RIMS1: variants seen among roughly 807,000 people sequenced by gnomAD.
The protein encoded by RIMS1 is regulating synaptic membrane exocytosis protein 1.
Under a neutral mutation model 214.1 loss-of-function variants are expected in RIMS1, and 83 were observed. The ratio of observed to expected loss-of-function variants is 0.39; its 90% CI spans 0.32 to 0.47. The LOEUF (loss-of-function observed/expected upper bound fraction) is 0.47. Ranked by LOEUF, RIMS1 falls within the 20% of genes least tolerant of loss-of-function variation. The pLI, the probability that RIMS1 is intolerant of heterozygous loss-of-function variation, is 0.99. For missense variants in RIMS1, 2,050 were observed against 2,161.8 expected, an observed-to-expected ratio of 0.95 and a Z score of 1.03; for synonymous variants, 793 against 786.8, an observed-to-expected ratio of 1.01 and a Z score of -0.13.
chr6:72,191,894 T>G (rs530745815), intron 6 of RIMS1, among the ~76,000 whole-genome samples: 41 of 152,288 alleles, frequency 2.7e-4, no homozygotes, highest in Admixed American at 2.6e-3. Flanking sequence ...CACCCCTGGG[T>G]CTTTCAAGTA....
intron 26 of RIMS1, among the ~76,000 whole-genome samples, chr6:72,306,412 C>T (rs1325440477): frequency 3.3e-5 from 5 of 152,034 alleles, no homozygotes; most frequent in African/African-American, 1.2e-4. Context: ...ATGACTGTAC[C>T]TTAGCTGTTT....
At chr6:71,911,904 C>T (rs1777040953) in intron 1 of RIMS1, among the ~76,000 whole-genome samples, 2 of 152,046 alleles carry the variant, frequency 1.3e-5, no homozygotes, top group African/African-American at 4.8e-5. Flanking sequence ...CTCCCTTTAC[C>T]TTGGTTTAAG....
At position 72,196,377 on chromosome 6, in the gene RIMS1, G is replaced by GTCTA. The variant is rs3047577; in HGVS notation, c.1678+13269_1678+13272dup. ...TGTCTGTCTGTCTGTCTGTCTGTCT[G>GTCTA]TCTATCTATCTATCTATCTATCTAT... On this transcript the variant is annotated intron_variant, in intron 6 of 33. Coordinates refer to ENST00000521978, the MANE Select transcript of RIMS1 (RefSeq NM_014989.7). Among the ~76,000 whole-genome samples, 1,388 of 144,048 alleles carry GTCTA rather than the reference G, an allele frequency of 9.6e-3. 22 individuals are homozygous for GTCTA. Among genetic ancestry groups the GTCTA allele is most frequent in the African/African-American group, 0.026 (944 of 36,854 alleles). 94.5% of individuals were successfully genotyped at this position (144,048 alleles called of 152,430 possible).
intron 2 of RIMS1, among the ~76,000 whole-genome samples, chr6:72,010,741 G>T (rs1460524594): frequency 6.6e-6 from 1 of 152,026 alleles, no homozygotes; most frequent in Non-Finnish European, 1.5e-5. Context: ...GCTTCAAAGA[G>T]AATAAAATAC....
intron 1 of RIMS1, among the ~76,000 whole-genome samples, chr6:71,898,350 T>C (rs960953702): frequency 2.0e-5 from 3 of 152,174 alleles, no homozygotes; most frequent in Admixed American, 2.0e-4. Context: ...TAAAAAAGGA[T>C]ACCTCAGTTA....
At position 72,210,572 on chromosome 6, in the gene RIMS1, C is replaced by T. The variant is rs371930887; in HGVS notation, c.1679-23201C>T. Among the ~76,000 whole-genome samples the T allele has an allele frequency of 9.2e-5, 14 of 152,266 alleles. No individual in the cohort carries two copies. In the South Asian group the frequency reaches 1.0e-3, roughly 11 times the overall value. On this transcript the variant is annotated intron_variant, in intron 6 of 33. Transcript: ENST00000521978. ...AGCAAAATGTATGTTCTACTTAGTG[C>T]GGATTTATTTGCCTCAATCACAAAC...
intron 1 of RIMS1, among the ~76,000 whole-genome samples, chr6:71,902,004 G>C (rs1055069664): frequency 6.6e-6 from 1 of 152,086 alleles, no homozygotes; most frequent in African/African-American, 2.4e-5. Context: ...GGCTAAGAAG[G>C]GGAAAGAAGC....
intron 1 of RIMS1, among the ~76,000 whole-genome samples, chr6:71,958,879 A>T (rs563845303): frequency 6.6e-6 from 1 of 152,272 alleles, no homozygotes; most frequent in East Asian, 1.9e-4. Flanking sequence ...TTTTCCCTAA[A>T]TGTTTGTTCA....
At chr6:72,163,991 G>A (rs1487622695) in intron 4 of RIMS1, among the ~76,000 whole-genome samples, 1 of 152,164 alleles carries the variant, frequency 6.6e-6, no homozygotes, top group African/African-American at 2.4e-5. Context: ...CCCCAGAGGT[G>A]GAGTTTACAG....
intron 1 of RIMS1, among the ~76,000 whole-genome samples, chr6:71,910,788 G>A (rs1231927714): frequency 6.6e-6 from 1 of 152,086 alleles, no homozygotes; most frequent in Non-Finnish European, 1.5e-5. Context: ...CATGTAAAAG[G>A]TGCCCTCTGA....
At chr6:72,218,237 G>A (rs956083901) in intron 6 of RIMS1, among the ~76,000 whole-genome samples, 4 of 151,976 alleles carry the variant, frequency 2.6e-5, no homozygotes, top group African/African-American at 9.7e-5. Context: ...TCACAGTTGT[G>A]CTGCAGCCTG....
chr6:72,057,653 G>A (rs56869399), intron 2 of RIMS1, among the ~76,000 whole-genome samples: 5 of 151,656 alleles, frequency 3.3e-5, no homozygotes, highest in African/African-American at 1.2e-4. Context: ...GACTACAGGC[G>A]CCCGCCACCA....
chr6:72,191,751 C>G (rs1416768191), intron 6 of RIMS1, among the ~76,000 whole-genome samples: 1 of 152,198 alleles, frequency 6.6e-6, no homozygotes, highest in Non-Finnish European at 1.5e-5. Flanking sequence ...GAAGCCACAT[C>G]TGGTATAGCA....
chr6:71,984,890 A>G (rs1357388534), intron 2 of RIMS1, among the ~76,000 whole-genome samples: 2 of 151,960 alleles, frequency 1.3e-5, no homozygotes, highest in Non-Finnish European at 2.9e-5. Flanking sequence ...TATAAAAGGA[A>G]AGTCCAACAT....
intron 23 of RIMS1, among the ~76,000 whole-genome samples, 197 bp downstream of exon 23, chr6:72,274,629 T>C (rs2085235586): frequency 6.6e-6 from 1 of 152,216 alleles, no homozygotes. Flanking sequence ...ATGGCAGAGT[T>C]TAAACCCAGT....
intron 29 of RIMS1, among the ~76,000 whole-genome samples, chr6:72,381,945 A>G (rs181792645): frequency 1.1e-4 from 17 of 152,362 alleles, no homozygotes; most frequent in African/African-American, 3.6e-4. Context: ...AAATGCAATA[A>G]AAGTGGATAA....
intron 2 of RIMS1, among the ~76,000 whole-genome samples, chr6:72,023,246 G>C (rs997447953): frequency 4.6e-5 from 7 of 152,094 alleles, no homozygotes; most frequent in African/African-American, 1.7e-4. Flanking sequence ...CGTTTGATTT[G>C]ATAGCTAACA....
chr6:72,229,126 AG>A, intron 6 of RIMS1, among the ~76,000 whole-genome samples: 1 of 151,828 alleles, frequency 6.6e-6, no homozygotes, highest in Non-Finnish European at 1.5e-5. Flanking sequence ...GCTGAAGCCC[AG>A]TGGTCTGAAG....
At chr6:72,006,170 T>C (rs1211375544) in intron 2 of RIMS1, among the ~76,000 whole-genome samples, 1 of 152,180 alleles carries the variant, frequency 6.6e-6, no homozygotes, top group Non-Finnish European at 1.5e-5. Flanking sequence ...ATAAGGGCTC[T>C]GCCCTCATGA....
Sources: gnomAD v4.1 joint callset for allele counts (sites outside exome capture counted in the v4.1 genomes callset) on GRCh38, gnomAD v4.1.1 for gene constraint, MANE v1.5 for transcripts, NCBI Gene and HGNC (gene_info 2026-07-23, HGNC 2026-07-21) for gene names.